TECR: variants seen among roughly 807,000 people sequenced by gnomAD.
TECR encodes the protein trans-2,3-enoyl-CoA reductase.
Under a neutral mutation model 50.6 loss-of-function variants are expected in TECR, and 19 were observed. The ratio of observed to expected loss-of-function variants is 0.38; its 90% CI spans 0.26 to 0.55. The LOEUF (loss-of-function observed/expected upper bound fraction) is 0.55. Among genes scored for constraint, TECR ranks in the 20% least tolerant of loss-of-function variants. The probability of loss-of-function intolerance (pLI) is 0.79; values close to 1 mark genes in which losing one functional copy is unlikely to be tolerated. For missense variants in TECR, 313 were observed against 408.3 expected, an observed-to-expected ratio of 0.77 and a Z score of 2.01; for synonymous variants, 168 against 163.5, an observed-to-expected ratio of 1.03 and a Z score of -0.21.
intron 7 of TECR, 121 bp from the exon 8 acceptor site, chr19:14,564,665 C>T (rs1422665583): frequency 5.5e-6 from 6 of 1,097,946 alleles, no homozygotes; most frequent in Non-Finnish European, 8.2e-6. Flanking sequence ...TCCCCAGCCC[C>T]GCCCCAAGGC....
chr19:14,529,703 C>T lies in TECR; in HGVS notation c.7C>T (p.His3Tyr). The part of the protein sequence containing the change: MK[H>Y]YEVEILDAKT... ...GCCGCCGTGGGAGGGAGCCATGAAGCATTACGAGGTAAGAAGCGAGAAACA... is the reference window on the plus strand; with the variant it reads ...GCCGCCGTGGGAGGGAGCCATGAAGTATTACGAGGTAAGAAGCGAGAAACA... The change falls in exon 1 of 13, where the codon CAT becomes TAT. Residue 3 changes from histidine (H) to tyrosine (Y), a missense_variant. Coordinates refer to ENST00000215567, the MANE Select transcript of TECR (RefSeq NM_138501.6). 6.2e-7 allele frequency: 1 copy of T among 1,614,128 alleles called. No homozygotes were observed. Among genetic ancestry groups the T allele is most frequent in the Non-Finnish European group, 8.5e-7 (1 of 1,180,040 alleles).
At chr19:14,565,378 A>AGCTGCTTTTGCCGCCTGCACT (rs1319826316) in intron 11 of TECR, 88 bp downstream of exon 11, 1 of 1,537,704 alleles carries the variant, frequency 6.5e-7, no homozygotes, top group East Asian at 2.3e-5. Flanking sequence ...CTGGCTGGGC[A>AGCTGCTTTTGCCGCCTGCACT]GCTGCTTTTG....
At chr19:14,558,749 A>G (rs2146621254) in intron 1 of TECR, among the ~76,000 whole-genome samples, 1 of 152,144 alleles carries the variant, frequency 6.6e-6, no homozygotes, top group Middle Eastern at 3.4e-3. Flanking sequence ...ATCCACCCAG[A>G]GCATCTCAGC....
intron 1 of TECR, among the ~76,000 whole-genome samples, chr19:14,539,140 A>ATTTTTTTT (rs57801378): frequency 4.3e-5 from 4 of 92,534 alleles, no homozygotes; most frequent in East Asian, 3.0e-4. Context: ...CGCCCGGCTA[A>ATTTTTTTT]TTTTTTTTTT....
In TECR at chr19:14,563,323, GA is replaced by G; in HGVS notation, c.118+67del. ...TGACCAGGGACCTTAGGGTGGGAGG[GA>G]TCCCATCCTGCACCCCTCTCCCAGG... On this transcript the variant is annotated intron_variant, in intron 3 of 12. Transcript: ENST00000215567. This position sits in a 1 kb window ranked among gnomAD's most constrained non-coding sequence, Gnocchi z 5.3. 1 of 1,420,492 alleles carries G rather than the reference GA, an allele frequency of 7.0e-7. No individual in the cohort carries two copies. The highest frequency in any genetic ancestry group is 1.0e-6 in the Non-Finnish European group (1 of 1,004,172). The allele number at this position is 1,420,492 out of a possible 1,614,324, so 88.0% of individuals were successfully genotyped here.
chr19:14,556,539 G>A (rs2146615406), intron 1 of TECR, among the ~76,000 whole-genome samples: 1 of 152,210 alleles, frequency 6.6e-6, no homozygotes, highest in South Asian at 2.1e-4. Context: ...AGCACGCACA[G>A]GCTAGAATTC....
At chr19:14,531,993 A>G (rs1189004109) in intron 1 of TECR, 1 of 148,366 alleles carries the variant, frequency 6.7e-6, no homozygotes, top group Non-Finnish European at 1.5e-5. Flanking sequence ...CCTGGGCAAC[A>G]GAGACCCTGT....
intron 1 of TECR, among the ~76,000 whole-genome samples, chr19:14,544,422 C>T (rs562680445): frequency 2.0e-5 from 3 of 152,080 alleles, no homozygotes; most frequent in East Asian, 3.9e-4. Context: ...GCCGTTCAGC[C>T]GCATAATTGA....
intron 1 of TECR, among the ~76,000 whole-genome samples, chr19:14,557,603 C>A (rs2073775048): frequency 6.6e-6 from 1 of 151,374 alleles, no homozygotes; most frequent in Non-Finnish European, 1.5e-5. Context: ...AGGCATGCAC[C>A]ACCACGCCTG....
chr19:14,557,600 C>T (rs546977065), intron 1 of TECR, among the ~76,000 whole-genome samples: 3 of 151,410 alleles, frequency 2.0e-5, no homozygotes, highest in Non-Finnish European at 2.9e-5. Flanking sequence ...TACAGGCATG[C>T]ACCACCACGC....
rs769691667 is a variant in TECR, at chr19:14,565,725, C to T, written c.800-19C>T. The T allele has an allele frequency of 6.9e-5, 112 of 1,612,240 alleles. 1 individual carries two copies. The highest frequency in any genetic ancestry group is 3.3e-4 in the Middle Eastern group (2 of 6,082). Reference sequence around the variant, plus strand: ...CTCCGGGCCGGCAGCCCCTCCCTGACGCCCGTTCTTTCCTGCAGTGGCCCT... The same window carrying T: ...CTCCGGGCCGGCAGCCCCTCCCTGATGCCCGTTCTTTCCTGCAGTGGCCCT... On this transcript the variant is annotated intron_variant, in intron 12 of 12. Coordinates refer to ENST00000215567, the MANE Select transcript of TECR (RefSeq NM_138501.6).
At chr19:14,540,434 C>T (rs1254967118) in intron 1 of TECR, among the ~76,000 whole-genome samples, 1 of 151,386 alleles carries the variant, frequency 6.6e-6, no homozygotes, top group Non-Finnish European at 1.5e-5. Context: ...GCTCTGTCAC[C>T]TAGACTGGAG....
At chr19:14,553,832 G>A (rs1014419954) in intron 1 of TECR, among the ~76,000 whole-genome samples, 1 of 152,138 alleles carries the variant, frequency 6.6e-6, no homozygotes, top group Non-Finnish European at 1.5e-5. Context: ...GCTTGTGCCC[G>A]GCGCGGGGAT....
At chr19:14,562,104 A>C in intron 1 of TECR, 1 of 488,950 alleles carries the variant, frequency 2.0e-6, no homozygotes, top group Admixed American at 3.4e-5. Context: ...GGAGACTCCC[A>C]AGCCCCCCTC....
At chr19:14,547,343 C>CTATTTTATTTTATTT (rs149850437) in intron 1 of TECR, among the ~76,000 whole-genome samples, 3 of 151,592 alleles carry the variant, frequency 2.0e-5, no homozygotes, top group Non-Finnish European at 4.4e-5. Context: ...CGTACCTGGC[C>CTATTTTATTTTATTT]TATTTTATTT....
upstream of TECR, chr19:14,529,591 C>G (rs45556632): frequency 1.7e-5 from 27 of 1,562,930 alleles, no homozygotes; most frequent in Non-Finnish European, 2.3e-5. Context: ...GACGCAGAGC[C>G]GCGTTTAGTC....
chr19:14,536,978 GC>G (rs2072921898), intron 1 of TECR, among the ~76,000 whole-genome samples: 1 of 147,472 alleles, frequency 6.8e-6, no homozygotes, highest in Admixed American at 6.9e-5. Context: ...CGAGGAGGGG[GC>G]GGGGCCGAGG....
At chr19:14,551,759 A>T (rs1413910237) in intron 1 of TECR, among the ~76,000 whole-genome samples, 4 of 151,608 alleles carry the variant, frequency 2.6e-5, no homozygotes, top group Non-Finnish European at 5.9e-5. Context: ...GGCCAGGCAG[A>T]GAGGCTCAGT....
chr19:14,532,025 A>AG (rs1478328101), intron 1 of TECR: 1 of 151,822 alleles, frequency 6.6e-6, no homozygotes, highest in African/African-American at 2.4e-5. Context: ...AAAAAAAAAA[A>AG]AAAAAAGCTA....
Sources: gnomAD v4.1 joint callset for allele counts (sites outside exome capture counted in the v4.1 genomes callset) on GRCh38, gnomAD v4.1.1 for gene constraint, Gnocchi (gnomAD v3.1) non-coding constraint, MANE v1.5 for transcripts, NCBI Gene and HGNC (gene_info 2026-07-23, HGNC 2026-07-21) for gene names.